Variants in PIGF observed in about 807,000 individuals in gnomAD.
PIGF encodes GPI ethanolamine phosphate transferase, stabilizing subunit.
A neutral mutation model predicts 26.0 loss-of-function variants in PIGF; 23 were observed. That is an observed-to-expected ratio of 0.88 (90% CI 0.64 to 1.25). The LOEUF is 1.25. Among genes scored for constraint, PIGF ranks in the 50% most tolerant of loss-of-function variants. PIGF has a pLI of 0.00. For missense variants in PIGF, 278 were observed against 249.9 expected, an observed-to-expected ratio of 1.11 and a Z score of -0.76; for synonymous variants, 93 against 92.6, an observed-to-expected ratio of 1.00 and a Z score of -0.03.
chr2:46,613,653 TG>T (rs1558712624), intron 3 of PIGF, 40 bp downstream of exon 3: 1 of 1,400,480 alleles, frequency 7.1e-7, no homozygotes, highest in African/African-American at 1.5e-5. Flanking sequence ...GGTAAATGAA[TG>T]TTTTAAAATA....
chr2:46,595,073 T>C lies in PIGF; in HGVS notation c.438-2490A>G, dbSNP rs561059507. ...CAGGCTGGTCTCCACAGTTAGGATT[T>C]TTAAAAATAGCTTTATTGAGTAGAG... is the stretch of plus-strand genomic sequence containing the variant. On this transcript the variant is annotated intron_variant, in intron 4 of 5. Transcript: ENST00000281382. Among the ~76,000 whole-genome samples the C allele has an allele frequency of 9.9e-5, 15 of 152,188 alleles. No homozygotes were observed. In the South Asian group the frequency reaches 2.9e-3, roughly 29 times the overall value.
rs565504028 is a variant in PIGF, at chr2:46,599,718, A to G, written c.438-7135T>C. 2.0e-5 allele frequency among the ~76,000 whole-genome samples: 3 copies of G among 151,438 alleles called. 1 individual carries two copies. The highest frequency in any genetic ancestry group is 4.9e-5 in the African/African-American group (2 of 41,226). On this transcript the variant is annotated intron_variant, in intron 4 of 5. Coordinates refer to ENST00000281382, the MANE Select transcript of PIGF (RefSeq NM_002643.4). ...TTATTCAATTCATATCCTTAGTACT[A>G]TTTTTCATGGTAAACTGTGTGGAGG...
chr2:46,588,151 T>C lies in PIGF; in HGVS notation c.546+4324A>G. The C allele has an allele frequency of 6.2e-7, 1 of 1,613,240 alleles. No homozygotes were observed. The highest frequency in any genetic ancestry group is 8.5e-7 in the Non-Finnish European group (1 of 1,179,554). On this transcript the variant is annotated intron_variant, in intron 5 of 5. Coordinates refer to ENST00000281382, the MANE Select transcript of PIGF (RefSeq NM_002643.4). This position sits in a 1 kb window ranked among gnomAD's most constrained non-coding sequence, Gnocchi z 4.1. ...CCTGCAGGGTACATGGAGAGATCTA[T>C]AAGTGCTACGTTTTCTTTCTACTGT...
chr2:46,581,141 C>G lies in PIGF; in HGVS notation c.*337G>C. On this transcript the variant is annotated 3_prime_UTR_variant, in exon 6 of 6. Transcript: ENST00000281382. ...TTTCTCTCAGAAAGCAAATGAAATGCTACAGCTATACCCAGACCTTTTATA... is the reference window on the plus strand; with the variant it reads ...TTTCTCTCAGAAAGCAAATGAAATGGTACAGCTATACCCAGACCTTTTATA... The G allele has an allele frequency of 7.4e-7, 1 of 1,355,454 alleles. No individual in the cohort carries two copies. Among genetic ancestry groups the G allele is most frequent in the Non-Finnish European group, 1.0e-6 (1 of 999,264 alleles). The allele number at this position is 1,355,454 out of a possible 1,614,324, so 84.0% of individuals were successfully genotyped here.
At chr2:46,598,589 T>C (rs1434619475) in intron 4 of PIGF, among the ~76,000 whole-genome samples, 1 of 148,746 alleles carries the variant, frequency 6.7e-6, no homozygotes, top group Non-Finnish European at 1.5e-5. Context: ...ATGTATTGCA[T>C]GTGTGGCTCA....
chr2:46,605,850 T>C (rs1285466988), intron 4 of PIGF, among the ~76,000 whole-genome samples: 1 of 152,184 alleles, frequency 6.6e-6, no homozygotes, highest in Non-Finnish European at 1.5e-5. Flanking sequence ...TCTCACTAGA[T>C]TGCTCTGAGA....
chr2:46,599,114 G>T (rs528906003), intron 4 of PIGF, among the ~76,000 whole-genome samples: 1 of 152,322 alleles, frequency 6.6e-6, no homozygotes, highest in East Asian at 1.9e-4. Context: ...TGAGATGTAG[G>T]ATTTCGTTTA....
At chr2:46,592,900 C>T (rs1669764959) in intron 4 of PIGF, among the ~76,000 whole-genome samples, 1 of 152,126 alleles carries the variant, frequency 6.6e-6, no homozygotes, top group African/African-American at 2.4e-5. Context: ...TGCTATTATG[C>T]TAAATTATTA....
At chr2:46,583,765 G>A (rs546985414) in intron 5 of PIGF, among the ~76,000 whole-genome samples, 1 of 152,028 alleles carries the variant, frequency 6.6e-6, no homozygotes, top group Non-Finnish European at 1.5e-5. Flanking sequence ...TGAAATATCT[G>A]GGAAATAAAC....
At chr2:46,586,657 A>G (rs1354409298) in intron 5 of PIGF, among the ~76,000 whole-genome samples, 1 of 152,238 alleles carries the variant, frequency 6.6e-6, no homozygotes, top group Admixed American at 6.5e-5. Flanking sequence ...AATTGTGCTT[A>G]TCACAAATTT....
At chr2:46,597,508 G>A (rs1366256718) in intron 4 of PIGF, among the ~76,000 whole-genome samples, 2 of 152,016 alleles carry the variant, frequency 1.3e-5, no homozygotes, top group African/African-American at 4.8e-5. Flanking sequence ...TGCCTCCTGG[G>A]CTCAAGCGAT....
chr2:46,581,816 T>G (rs1669390495), intron 5 of PIGF: 1 of 494,494 alleles, frequency 2.0e-6, no homozygotes, highest in Admixed American at 4.3e-5. Context: ...AGATTTAGTT[T>G]GACGCTCCCC....
rs747263045 is a variant in PIGF at position 46,598,529 on chromosome 2, ATTTTTTTT to A, written c.438-5954_438-5947del. On this transcript the variant is annotated intron_variant, in intron 4 of 5. Coordinates refer to ENST00000281382, the MANE Select transcript of PIGF (RefSeq NM_002643.4). ...ATAAACTTTCTTAAAACATTATGAG[ATTTTTTTT>A]TTTTTTTTTTTTTTTTAGCTCATCA... 1.3e-4 allele frequency among the ~76,000 whole-genome samples: 13 copies of A among 103,510 alleles called. 1 individual carries two copies. The South Asian group carries it at 1.4e-3, about 11-fold the overall frequency. The allele number at this position is 103,510 out of a possible 152,430, so 67.9% of individuals were successfully genotyped here.
chr2:46,612,708 C>G (rs1469832850), intron 3 of PIGF, among the ~76,000 whole-genome samples: 3 of 152,064 alleles, frequency 2.0e-5, no homozygotes, highest in African/African-American at 7.2e-5. Context: ...CACTATTGAA[C>G]CACTATTGAA....
At chr2:46,594,848 TTTTG>T (rs1669833289) in intron 4 of PIGF, among the ~76,000 whole-genome samples, 2 of 150,220 alleles carry the variant, frequency 1.3e-5, no homozygotes, top group African/African-American at 2.4e-5. Context: ...CCGTTTTTTT[TTTTG>T]TTTGTTTTTG....
intron 4 of PIGF, among the ~76,000 whole-genome samples, chr2:46,611,948 T>A (rs1434494287): frequency 1.3e-5 from 2 of 149,324 alleles, no homozygotes; most frequent in Non-Finnish European, 3.0e-5. Flanking sequence ...AATTTTTTTT[T>A]ATTTCTTCTT....
At position 46,581,341 on chromosome 2, in the gene PIGF, T is replaced by C; in HGVS notation, c.*137A>G. 7.4e-7 allele frequency: 1 copy of C among 1,359,152 alleles called. No individual in the cohort carries two copies. Among genetic ancestry groups the C allele is most frequent in the Non-Finnish European group, 9.9e-7 (1 of 1,014,208 alleles). 84.2% of individuals were successfully genotyped at this position (1,359,152 alleles called of 1,614,324 possible). ...GTACAATCTCTCAGGGGTTTCATAG[T>C]TTAAAAAGCTACAATCACATCATGT... On this transcript the variant is annotated 3_prime_UTR_variant, in exon 6 of 6. Coordinates refer to ENST00000281382, the MANE Select transcript of PIGF (RefSeq NM_002643.4).
At chr2:46,593,894 G>A (rs1407155056) in intron 4 of PIGF, among the ~76,000 whole-genome samples, 1 of 152,208 alleles carries the variant, frequency 6.6e-6, no homozygotes, top group Non-Finnish European at 1.5e-5. Context: ...TGACAAGTCA[G>A]TTCACAAACC....
chr2:46,593,264 C>T (rs1265603879), intron 4 of PIGF, among the ~76,000 whole-genome samples: 6 of 151,860 alleles, frequency 4.0e-5, no homozygotes, highest in Non-Finnish European at 7.4e-5. Context: ...TCCTGAGTAG[C>T]TGGGATTACA....
Sources: allele counts gnomAD v4.1 joint callset (sites outside exome capture counted in the v4.1 genomes callset), GRCh38; gene constraint gnomAD v4.1.1; non-coding constraint Gnocchi (gnomAD v3.1); transcripts MANE v1.5; gene names NCBI Gene and HGNC (gene_info 2026-07-23, HGNC 2026-07-21).